Variants in ZDHHC15 observed in about 807,000 individuals in gnomAD.
ZDHHC15 encodes palmitoyltransferase ZDHHC15.
A neutral mutation model predicts 31.7 loss-of-function variants in ZDHHC15; 19 were observed. The observed-to-expected ratio is 0.60, with a 90% CI of 0.42 to 0.88. The LOEUF (loss-of-function observed/expected upper bound fraction) is 0.88. ZDHHC15 is among the 40% of genes least tolerant of loss of function. ZDHHC15 has a pLI of 0.00. For missense variants in ZDHHC15, 209 were observed against 251.2 expected (o/e 0.83, Z 1.14); for synonymous variants, 103 against 90.0 (o/e 1.14, Z -0.82).
At chrX:75,399,605 G>A (rs1278965465) in intron 10 of ZDHHC15, among the ~76,000 whole-genome samples, 1 of 111,612 alleles carries the variant, frequency 9.0e-6, no homozygotes, top group Non-Finnish European at 1.9e-5. Context: ...CTCCTCCTCT[G>A]CTGCCTCTAC....
intron 1 of ZDHHC15, among the ~76,000 whole-genome samples, chrX:75,507,423 T>C (rs939381591): frequency 9.0e-6 from 1 of 111,204 alleles, no homozygotes; most frequent in Admixed American, 9.6e-5. Context: ...GGACATCTAT[T>C]CTAAAAGATG....
chrX:75,514,984 A>T (rs2085333380), intron 1 of ZDHHC15, among the ~76,000 whole-genome samples: 1 of 112,147 alleles, frequency 8.9e-6, no homozygotes, highest in South Asian at 3.7e-4. Flanking sequence ...GAAGAAATGG[A>T]TGAATTCCTG....
chrX:75,460,553 AC>A (rs1361478867), intron 3 of ZDHHC15, among the ~76,000 whole-genome samples: 1 of 107,484 alleles, frequency 9.3e-6, no homozygotes, highest in Non-Finnish European at 1.9e-5. Context: ...ACAGGTCATT[AC>A]CCCCCTGGGA....
chrX:75,375,272 TA>T (rs1238412982), intron 11 of ZDHHC15, among the ~76,000 whole-genome samples: 3 of 112,046 alleles, frequency 2.7e-5, no homozygotes, highest in African/African-American at 6.5e-5. Flanking sequence ...ACTTAATAGA[TA>T]AAAATTAGTA....
intron 8 of ZDHHC15, among the ~76,000 whole-genome samples, chrX:75,424,036 T>C (rs921158172): frequency 1.8e-5 from 2 of 111,544 alleles, no homozygotes; most frequent in African/African-American, 6.5e-5. Context: ...TTCCACATAA[T>C]AGCCTATAGA....
At chrX:75,476,809 G>C (rs1219867116) in intron 3 of ZDHHC15, among the ~76,000 whole-genome samples, 3 of 103,370 alleles carry the variant, frequency 2.9e-5, no homozygotes, top group Non-Finnish European at 5.9e-5. Context: ...GCTAAATAAA[G>C]GTTTGACAAT....
intron 10 of ZDHHC15, among the ~76,000 whole-genome samples, chrX:75,399,145 G>C (rs1233604519): frequency 9.0e-6 from 1 of 111,238 alleles, no homozygotes; most frequent in Non-Finnish European, 1.9e-5. Context: ...TGGCCAGACT[G>C]TTATGTGGTT....
intron 3 of ZDHHC15, among the ~76,000 whole-genome samples, chrX:75,451,556 C>G (rs1009534985): frequency 9.0e-6 from 1 of 111,366 alleles, no homozygotes; most frequent in Non-Finnish European, 1.9e-5. Flanking sequence ...TAATATGAAC[C>G]TGAAAGCATT....
At chrX:75,509,170 G>C (rs1173959538) in intron 1 of ZDHHC15, among the ~76,000 whole-genome samples, 1 of 111,034 alleles carries the variant, frequency 9.0e-6, no homozygotes, top group Non-Finnish European at 1.9e-5. Flanking sequence ...ATTGACAAAT[G>C]GGATCTAATT....
intron 10 of ZDHHC15, among the ~76,000 whole-genome samples, chrX:75,412,953 T>C (rs960284009): frequency 2.7e-5 from 3 of 111,413 alleles, no homozygotes; most frequent in Non-Finnish European, 3.8e-5. Context: ...AAGTAAGTAG[T>C]TATTTAGGAT....
intron 11 of ZDHHC15, among the ~76,000 whole-genome samples, chrX:75,376,441 A>G (rs1411320200): frequency 9.0e-6 from 1 of 111,018 alleles, no homozygotes; most frequent in Non-Finnish European, 1.9e-5. Context: ...TTCTGTTGCA[A>G]TTGCTTTTGG....
intron 2 of ZDHHC15, among the ~76,000 whole-genome samples, chrX:75,491,880 C>T (rs1489096117): frequency 2.7e-5 from 3 of 111,400 alleles, no homozygotes; most frequent in African/African-American, 9.8e-5. Context: ...GAAACTGCAT[C>T]AATTAACGAG....
At chrX:75,390,287 T>C (rs1305570480) in intron 10 of ZDHHC15, among the ~76,000 whole-genome samples, 1 of 111,598 alleles carries the variant, frequency 9.0e-6, no homozygotes, top group Admixed American at 9.5e-5. Context: ...CCTGGGGGAA[T>C]TCGCCACCCA....
intron 2 of ZDHHC15, among the ~76,000 whole-genome samples, chrX:75,479,616 T>C (rs772816301): frequency 1.1e-3 from 122 of 111,789 alleles, no homozygotes; most frequent in Non-Finnish European, 1.9e-3. Flanking sequence ...ACTTGAATAA[T>C]GTACATTGTA....
intron 10 of ZDHHC15, chrX:75,384,506 A>T (rs948331013): frequency 1.4e-6 from 1 of 729,960 alleles, no homozygotes; most frequent in African/African-American, 2.1e-5. Context: ...GGAATGCCCC[A>T]CAAGTGTTAC....
chrX:75,473,370 TG>T (rs1461376165), intron 3 of ZDHHC15, among the ~76,000 whole-genome samples: 2 of 111,580 alleles, frequency 1.8e-5, no homozygotes, highest in Non-Finnish European at 3.8e-5. Context: ...GAAGTGGAAG[TG>T]GCACTACTCA....
intron 1 of ZDHHC15, among the ~76,000 whole-genome samples, chrX:75,506,193 CT>C (rs1048048082): frequency 1.2e-4 from 13 of 111,326 alleles, no homozygotes; most frequent in East Asian, 2.8e-4. Context: ...AACATGCTTT[CT>C]TTTTTTTATT....
Position 75,371,436 on chromosome X carries a change from T to C in ZDHHC15, c.*1542A>G, listed in dbSNP as rs766186856. 8.9e-6 allele frequency: 1 copy of C among 111,986 alleles called. No individual in the cohort carries two copies. Among genetic ancestry groups the C allele is most frequent in the Non-Finnish European group, 1.9e-5 (1 of 53,240 alleles). The allele number at this position is 111,986 out of a possible 1,213,427, so 9.2% of individuals were successfully genotyped here. ...TGCTGACCACAATCCATTTAATTTA[T>C]GCCAAAAGTCTCACCTTGGTCAAAA... On this transcript the variant is annotated 3_prime_UTR_variant, in exon 12 of 12. Coordinates refer to ENST00000373367, the MANE Select transcript of ZDHHC15 (RefSeq NM_144969.3).
chrX:75,467,578 C>G (rs987713377), intron 3 of ZDHHC15, among the ~76,000 whole-genome samples: 1 of 112,057 alleles, frequency 8.9e-6, no homozygotes, highest in Non-Finnish European at 1.9e-5. Context: ...TTTCTTTTTA[C>G]ACGTTAAAAA....
Sources: gnomAD v4.1 joint callset for allele counts (sites outside exome capture counted in the v4.1 genomes callset) on GRCh38, gnomAD v4.1.1 for gene constraint, MANE v1.5 for transcripts, NCBI Gene and HGNC (gene_info 2026-07-23, HGNC 2026-07-21) for gene names.